Variants in ZNF804B observed in about 807,000 individuals in gnomAD.
ZNF804B encodes zinc finger protein 804B.
In ZNF804B, 80 loss-of-function variants were observed where a neutral mutation model predicts 101.4. That is an observed-to-expected ratio of 0.79 (90% CI 0.66 to 0.95). The LOEUF (loss-of-function observed/expected upper bound fraction) is 0.95. Among genes scored for constraint, ZNF804B ranks in the 40% least tolerant of loss-of-function variants. The pLI is 0.00. For missense variants in ZNF804B, 1,673 were observed against 1,561.9 expected (o/e 1.07, Z -1.20); for synonymous variants, 622 against 558.8 (o/e 1.11, Z -1.59).
chr7:89,321,149 A>G (rs866115121), intron 2 of ZNF804B, among the ~76,000 whole-genome samples: 2 of 151,308 alleles, frequency 1.3e-5, no homozygotes, highest in African/African-American at 4.9e-5. Context: ...ATTATTTTAA[A>G]TGGATCATAT....
intron 1 of ZNF804B, among the ~76,000 whole-genome samples, chr7:89,084,966 T>C (rs904890122): frequency 6.6e-6 from 1 of 151,892 alleles, no homozygotes; most frequent in Admixed American, 6.6e-5. Flanking sequence ...AAAATAATAT[T>C]ACTGAAAGAA....
At chr7:89,070,702 T>A (rs568099653) in intron 1 of ZNF804B, among the ~76,000 whole-genome samples, 3 of 152,250 alleles carry the variant, frequency 2.0e-5, no homozygotes, top group African/African-American at 7.2e-5. Context: ...TTAGTAAGAT[T>A]TAACCTCAGG....
At position 89,218,185 on chromosome 7, in the gene ZNF804B, G is replaced by A. The variant is rs1410153686; in HGVS notation, c.139G>A (p.Ala47Thr). 5 of 1,613,440 alleles carry A rather than the reference G, an allele frequency of 3.1e-6. No homozygotes were observed. The highest frequency in any genetic ancestry group is 3.4e-6 in the Non-Finnish European group (4 of 1,179,758). ...TGCAGAAAAGAAGTCCACAGCAAAG[G>A]CCCTGGAAGATGTAAAGGCAAACTT... ...DFAEKKSTAK[A>T]LEDVKANFYC... Residue 47 changes from alanine (A) to threonine (T), a missense_variant, in exon 2 of 4, where the codon GCC (alanine) becomes ACC (threonine). By Grantham distance (58) the Ala-to-Thr change is moderately conservative (BLOSUM62 0). Coordinates refer to ENST00000333190, the MANE Select transcript of ZNF804B (RefSeq NM_181646.5).
At chr7:89,101,516 G>C (rs1225165251) in intron 1 of ZNF804B, among the ~76,000 whole-genome samples, 2 of 151,782 alleles carry the variant, frequency 1.3e-5, no homozygotes, top group East Asian at 3.9e-4. Context: ...AGACTATAAA[G>C]AAGTCTAACT....
At chr7:89,332,455 A>AAAAAGG (rs144226805) in intron 3 of ZNF804B, among the ~76,000 whole-genome samples, 55,484 of 151,214 alleles carry the variant, frequency 0.37, 12,813 homozygotes, top group East Asian at 0.71. Context: ...ATGGAACAAG[A>AAAAAGG]AAAAGAATGC....
chr7:89,058,359 A>C (rs1033404860), intron 1 of ZNF804B, among the ~76,000 whole-genome samples: 1 of 151,982 alleles, frequency 6.6e-6, no homozygotes, highest in African/African-American at 2.4e-5. Context: ...AATTTAGCAC[A>C]AGCTTGAGAA....
intron 1 of ZNF804B, among the ~76,000 whole-genome samples, chr7:88,979,424 T>C (rs1191694621): frequency 6.6e-6 from 1 of 151,948 alleles, no homozygotes; most frequent in Non-Finnish European, 1.5e-5. Context: ...TTCTCTTTCA[T>C]GTTTGAAGGA....
chr7:89,136,736 AGTGT>A (rs3059353), intron 1 of ZNF804B, among the ~76,000 whole-genome samples: 3,881 of 145,516 alleles, frequency 0.027, 141 homozygotes, highest in African/African-American at 0.081. Context: ...TGTGTGTGTG[AGTGT>A]GTGTGTGTGT....
intron 1 of ZNF804B, among the ~76,000 whole-genome samples, chr7:88,847,807 G>T (rs1219793577): frequency 6.6e-6 from 1 of 152,112 alleles, no homozygotes. Context: ...CTAAACTATT[G>T]CAGTTGTTCT....
intron 1 of ZNF804B, among the ~76,000 whole-genome samples, chr7:89,211,942 C>A (rs1788811465): frequency 6.6e-6 from 1 of 152,050 alleles, no homozygotes; most frequent in South Asian, 2.1e-4. Flanking sequence ...AGCAGTATGG[C>A]CATTTTCATG....
intron 1 of ZNF804B, among the ~76,000 whole-genome samples, chr7:88,828,303 C>T (rs1430673243): frequency 6.6e-6 from 1 of 152,058 alleles, no homozygotes; most frequent in East Asian, 1.9e-4. Flanking sequence ...TCTATCACAC[C>T]AGAAATGTCC....
intron 1 of ZNF804B, among the ~76,000 whole-genome samples, chr7:88,997,851 A>G (rs186820432): frequency 3.3e-5 from 5 of 152,238 alleles, no homozygotes; most frequent in Non-Finnish European, 5.9e-5. Context: ...CCATTTTGCC[A>G]TTAAGTTGAT....
At chr7:89,159,448 C>A (rs2116417681) in intron 1 of ZNF804B, among the ~76,000 whole-genome samples, 1 of 152,200 alleles carries the variant, frequency 6.6e-6, no homozygotes, top group South Asian at 2.1e-4. Flanking sequence ...CCTAATCAGG[C>A]TGAGCCCCAG....
chr7:89,011,126 GAGA>G (rs1788454896), intron 1 of ZNF804B, among the ~76,000 whole-genome samples: 1 of 5,648 alleles, frequency 1.8e-4, no homozygotes, highest in Non-Finnish European at 3.0e-4. Context: ...TGGCAGGAGG[GAGA>G]ATGAGTGGAG....
chr7:89,030,086 G>T (rs1788807088), intron 1 of ZNF804B, among the ~76,000 whole-genome samples: 1 of 152,122 alleles, frequency 6.6e-6, no homozygotes, highest in African/African-American at 2.4e-5. Flanking sequence ...GCAGAAGGAA[G>T]TCAACACAGT....
rs561100747 is a variant in ZNF804B at position 89,215,236 on chromosome 7, A to G, written c.109-2919A>G. On this transcript the variant is annotated intron_variant, in intron 1 of 3. Transcript: ENST00000333190. ...GTTTAGTCTAACGACCTTGTAAAAT[A>G]TAAGTGTTCAGAAAAAGATGGTATT... Among the ~76,000 whole-genome samples, 8 of 152,218 alleles carry G rather than the reference A, an allele frequency of 5.3e-5. No homozygotes were observed. In the South Asian group the frequency reaches 1.7e-3, roughly 32 times the overall value.
chr7:89,247,455 A>G (rs1789467325), intron 2 of ZNF804B, among the ~76,000 whole-genome samples: 1 of 152,190 alleles, frequency 6.6e-6, no homozygotes, highest in Non-Finnish European at 1.5e-5. Context: ...AGAGCCCAAT[A>G]TTCAACTGCT....
At chr7:89,185,016 T>A (rs1041768137) in intron 1 of ZNF804B, among the ~76,000 whole-genome samples, 1 of 152,158 alleles carries the variant, frequency 6.6e-6, no homozygotes, top group Non-Finnish European at 1.5e-5. Flanking sequence ...TATTGATCAA[T>A]GATAAGTATC....
At position 89,333,654 on chromosome 7, in the gene ZNF804B, C is replaced by CA. The variant is rs760493101; in HGVS notation, c.678dup (p.Val227SerfsTer14). The CA allele has an allele frequency of 1.9e-6, 3 of 1,613,150 alleles. No individual in the cohort carries two copies. The highest frequency in any genetic ancestry group is 2.5e-6 in the Non-Finnish European group (3 of 1,179,586). On this transcript the variant is annotated frameshift_variant, in exon 4 of 4. Transcript: ENST00000333190. LOFTEE classifies it high-confidence loss of function. ...GAACAGGAGTATCATTTACTTTTTC[C>CA]AAAAAAGTGCACCTAAAATTAGAAT...
Sources: allele counts gnomAD v4.1 joint callset (sites outside exome capture counted in the v4.1 genomes callset), GRCh38; gene constraint gnomAD v4.1.1; transcripts MANE v1.5; gene names NCBI Gene and HGNC (gene_info 2026-07-23, HGNC 2026-07-21).